The following PPM1G variants were observed in gnomAD, a reference collection of about 807,000 sequenced individuals.
PPM1G encodes the protein protein phosphatase 1G.
A neutral mutation model predicts 59.4 loss-of-function variants in PPM1G; 12 were observed. The observed-to-expected ratio is 0.20, with a 90% CI of 0.13 to 0.33. The LOEUF (loss-of-function observed/expected upper bound fraction) is 0.33, where lower values mean the gene tolerates loss of function less well. Ranked by LOEUF, PPM1G falls within the 10% of genes least tolerant of loss-of-function variation. The pLI is 1.00. For missense variants in PPM1G, 392 were observed against 681.3 expected (o/e 0.58, Z 4.73); for synonymous variants, 245 against 251.9 (o/e 0.97, Z 0.26).
At chr2:27,403,198 C>T (rs1684226042) in intron 1 of PPM1G, among the ~76,000 whole-genome samples, 1 of 152,126 alleles carries the variant, frequency 6.6e-6, no homozygotes, top group African/African-American at 2.4e-5. Context: ...AATTCCAGCA[C>T]TTTGGGAGGC....
At chr2:27,407,343 A>C (rs1395441167) in intron 1 of PPM1G, among the ~76,000 whole-genome samples, 1 of 152,168 alleles carries the variant, frequency 6.6e-6, no homozygotes, top group East Asian at 1.9e-4. Flanking sequence ...GGCTCAATGA[A>C]GGCTCTGCCT....
At position 27,409,321 on chromosome 2, in the gene PPM1G, G is replaced by A; in HGVS notation, c.102C>T (p.Gly34=). 1 of 1,546,644 alleles carries A rather than the reference G, an allele frequency of 6.5e-7. No individual in the cohort carries two copies. The highest frequency in any genetic ancestry group is 8.7e-7 in the Non-Finnish European group (1 of 1,146,292). Residue 34 remains glycine (G), a synonymous_variant, in exon 1 of 10, where the codon GGC becomes GGT. Transcript: ENST00000344034. ...PLPYGFSAMQ[G]WRVSMEDAHN... Reference sequence around the variant, plus strand: ...TCCTCACCTCCATGGAGACGCGCCAGCCTTGCATGGCGGAGAAGCCGTAGG... The same window carrying A: ...TCCTCACCTCCATGGAGACGCGCCAACCTTGCATGGCGGAGAAGCCGTAGG...
chr2:27,386,952 C>T, intron 2 of PPM1G, 137 bp downstream of exon 2: 1 of 655,098 alleles, frequency 1.5e-6, no homozygotes, highest in Non-Finnish European at 2.7e-6. Context: ...TGACAGAATA[C>T]AGAAAAACAG....
chr2:27,396,751 G>A (rs1684062556), intron 1 of PPM1G, among the ~76,000 whole-genome samples: 1 of 148,208 alleles, frequency 6.7e-6, no homozygotes, highest in African/African-American at 2.5e-5. Context: ...GGTGGCAGAG[G>A]TTGCAGTGAG....
chr2:27,405,637 G>GC (rs937433313), intron 1 of PPM1G, among the ~76,000 whole-genome samples: 1 of 151,616 alleles, frequency 6.6e-6, no homozygotes, highest in Non-Finnish European at 1.5e-5. Flanking sequence ...CAGGTGATCT[G>GC]CCCCCCTCGG....
chr2:27,398,211 C>T lies in PPM1G; in HGVS notation c.121-11053G>A, dbSNP rs1412706114. ...TTCAGAAATAAAACCCTCACATTTACGGTCAATTTATCTCTGACAATGATG... is the reference window on the plus strand; with the variant it reads ...TTCAGAAATAAAACCCTCACATTTATGGTCAATTTATCTCTGACAATGATG... On this transcript the variant is annotated intron_variant, in intron 1 of 9. Coordinates refer to ENST00000344034, the MANE Select transcript of PPM1G (RefSeq NM_177983.3). Among the ~76,000 whole-genome samples the T allele has an allele frequency of 9.2e-5, 14 of 152,220 alleles. No individual in the cohort carries two copies. The East Asian group carries it at 2.5e-3, about 27-fold the overall frequency.
Position 27,385,174 on chromosome 2 carries a change from C to T in PPM1G, c.410-86G>A. On this transcript the variant is annotated intron_variant, in intron 4 of 9. Transcript: ENST00000344034. The surrounding 1 kb of genome is among the most constrained non-coding windows in gnomAD (Gnocchi z 4.1). ...TCACTACCTCAACAGCCCTTGCAGC[C>T]TCTAACTTCCCCACAACCTCCCACT... is the stretch of plus-strand genomic sequence containing the variant. 1 of 1,442,942 alleles carries T rather than the reference C, an allele frequency of 6.9e-7. No homozygotes were observed. The highest frequency in any genetic ancestry group is 9.2e-7 in the Non-Finnish European group (1 of 1,085,618). The allele number at this position is 1,442,942 out of a possible 1,614,324, so 89.4% of individuals were successfully genotyped here.
Position 27,381,666 on chromosome 2 carries a change from ACCT to A in PPM1G, c.1571_1573del (p.Glu524del), listed in dbSNP as rs745986073. On this transcript the variant is annotated inframe_deletion, in exon 10 of 10. Coordinates refer to ENST00000344034, the MANE Select transcript of PPM1G (RefSeq NM_177983.3). Reference sequence around the variant, plus strand: ...TTCTTCAGCCCCCTCAGTAGAGAGCACCTCCTCTAGTTTTCGCTTGCCACTCTC... The same window carrying A: ...TTCTTCAGCCCCCTCAGTAGAGAGCACCTCTAGTTTTCGCTTGCCACTCTC... 3 of 1,613,652 alleles carry A rather than the reference ACCT, an allele frequency of 1.9e-6. No homozygotes were observed. Among genetic ancestry groups the A allele is most frequent in the Middle Eastern group, 3.3e-4 (2 of 6,060 alleles).
chr2:27,392,881 T>C (rs1683950680), intron 1 of PPM1G: 33 of 1,434,220 alleles, frequency 2.3e-5, no homozygotes, highest in Non-Finnish European at 3.2e-5. Flanking sequence ...GTTGGTCACG[T>C]GGTCACCCAA....
intron 1 of PPM1G, among the ~76,000 whole-genome samples, chr2:27,406,966 CT>C (rs201901048): frequency 0.065 from 8,979 of 137,244 alleles, 653 homozygotes; most frequent in African/African-American, 0.22. Context: ...TTTATTTATT[CT>C]TTTTTTTTTT....
chr2:27,382,637 G>C lies in PPM1G; in HGVS notation c.1202-32C>G. ...TAAAGGAATGGTTGATGAGCAGTTT[G>C]GATACTTCCCACAGACTTGTGTTTG... On this transcript the variant is annotated intron_variant, in intron 7 of 9. Transcript: ENST00000344034. The surrounding 1 kb of genome is among the most constrained non-coding windows in gnomAD (Gnocchi z 4.2). The C allele has an allele frequency of 6.2e-7, 1 of 1,613,088 alleles. No homozygotes were observed. The highest frequency in any genetic ancestry group is 8.5e-7 in the Non-Finnish European group (1 of 1,179,444).
chr2:27,386,830 G>A (rs139635626), intron 2 of PPM1G: 152 of 292,762 alleles, frequency 5.2e-4, no homozygotes, highest in Non-Finnish European at 8.8e-4. Flanking sequence ...CCTACCGCGT[G>A]CCCAGCCTAA....
intron 1 of PPM1G, among the ~76,000 whole-genome samples, chr2:27,392,460 A>G (rs1463426841): frequency 6.6e-6 from 1 of 151,116 alleles, no homozygotes; most frequent in African/African-American, 2.4e-5. Flanking sequence ...ATGACTGGCT[A>G]GTTTTTATAT....
chr2:27,397,557 A>G (rs562211349), intron 1 of PPM1G, among the ~76,000 whole-genome samples: 1 of 152,326 alleles, frequency 6.6e-6, no homozygotes, highest in South Asian at 2.1e-4. Flanking sequence ...CACTTAATGC[A>G]ATATAGCGTA....
intron 1 of PPM1G, among the ~76,000 whole-genome samples, chr2:27,393,726 A>G (rs1446980572): frequency 6.6e-6 from 1 of 152,010 alleles, no homozygotes; most frequent in Admixed American, 6.6e-5. Context: ...CTGGGAGTAC[A>G]GGTGCGTGCC....
At chr2:27,405,533 C>T (rs2148428774) in intron 1 of PPM1G, among the ~76,000 whole-genome samples, 1 of 151,700 alleles carries the variant, frequency 6.6e-6, no homozygotes, top group South Asian at 2.1e-4. Flanking sequence ...ACTGGCCTTC[C>T]TATTCAAGCA....
At chr2:27,387,810 AT>A (rs1366905450) in intron 1 of PPM1G, among the ~76,000 whole-genome samples, 3 of 149,500 alleles carry the variant, frequency 2.0e-5, no homozygotes, top group African/African-American at 7.4e-5. Flanking sequence ...ATTTATTATT[AT>A]TTTTTGAGAC....
At position 27,386,929 on chromosome 2, in the gene PPM1G, T is replaced by TG. The variant is rs1683778281; in HGVS notation, c.190+159dup. On this transcript the variant is annotated intron_variant, in intron 2 of 9. Transcript: ENST00000344034. Reference sequence around the variant, plus strand: ...GATTATAAACCAATACAGTACCTACTGGGAAAAAAGAATGACAGAATACAG... The same window carrying TG: ...GATTATAAACCAATACAGTACCTACTGGGGAAAAAAGAATGACAGAATACAG... 1.3e-5 allele frequency: 8 copies of TG among 612,642 alleles called. No homozygotes were observed. The South Asian group carries it at 1.4e-4, about 11-fold the overall frequency. The allele number at this position is 612,642 out of a possible 1,614,324, so 38.0% of individuals were successfully genotyped here.
chr2:27,396,304 A>G (rs1211511499), intron 1 of PPM1G, among the ~76,000 whole-genome samples: 1 of 152,148 alleles, frequency 6.6e-6, no homozygotes, highest in Non-Finnish European at 1.5e-5. Flanking sequence ...GCAGTCACTA[A>G]AAGACAAATA....
Sources: gnomAD v4.1 joint callset for allele counts (sites outside exome capture counted in the v4.1 genomes callset) on GRCh38, gnomAD v4.1.1 for gene constraint, Gnocchi (gnomAD v3.1) non-coding constraint, MANE v1.5 for transcripts, NCBI Gene and HGNC (gene_info 2026-07-23, HGNC 2026-07-21) for gene names.